Variants in PTPRG observed in about 807,000 individuals in gnomAD.
PTPRG encodes the protein receptor-type tyrosine-protein phosphatase gamma.
PTPRG carries 102 observed loss-of-function variants against 165.3 expected under a neutral mutation model. That is an observed-to-expected ratio of 0.62 (90% CI 0.53 to 0.73). The LOEUF is 0.73. Ranked by LOEUF, PTPRG falls within the 30% of genes least tolerant of loss-of-function variation. The pLI is 0.00. For missense variants in PTPRG, 1,866 were observed against 1,861.4 expected, an observed-to-expected ratio of 1.00 and a Z score of -0.05; for synonymous variants, 675 against 669.5, an observed-to-expected ratio of 1.01 and a Z score of -0.13.
intron 2 of PTPRG, among the ~76,000 whole-genome samples, chr3:61,874,973 G>A (rs1316527630): frequency 2.0e-5 from 3 of 152,192 alleles, no homozygotes; most frequent in Non-Finnish European, 4.4e-5. Context: ...TAAGTCCCAC[G>A]TAGTCTACAA....
intron 2 of PTPRG, among the ~76,000 whole-genome samples, chr3:61,874,234 C>T (rs1338089977): frequency 2.0e-5 from 3 of 152,132 alleles, no homozygotes; most frequent in African/African-American, 7.2e-5. Context: ...TCTTTTGTAC[C>T]TTGAGACTTT....
intron 5 of PTPRG, among the ~76,000 whole-genome samples, chr3:62,130,589 A>G (rs1379715898): frequency 2.0e-5 from 3 of 152,204 alleles, no homozygotes; most frequent in Non-Finnish European, 2.9e-5. Flanking sequence ...CTTTTTGTCT[A>G]TAGCTTCAAT....
chr3:61,953,201 G>C (rs1314093474), intron 2 of PTPRG, among the ~76,000 whole-genome samples: 1 of 152,150 alleles, frequency 6.6e-6, no homozygotes, highest in Non-Finnish European at 1.5e-5. Context: ...CAGAAGCTTA[G>C]CTTTAATCAC....
chr3:61,873,807 A>G (rs779881666), intron 2 of PTPRG, among the ~76,000 whole-genome samples: 19 of 152,148 alleles, frequency 1.2e-4, no homozygotes, highest in African/African-American at 1.7e-4. Context: ...CTAAGTGATC[A>G]GGGCTCTGAG....
chr3:62,145,567 G>A (rs557557402), intron 6 of PTPRG, among the ~76,000 whole-genome samples: 27 of 152,222 alleles, frequency 1.8e-4, no homozygotes, highest in South Asian at 1.5e-3. Context: ...TGATGATGAC[G>A]AAGATGATTT....
At chr3:61,714,360 G>A (rs1214064614) in intron 1 of PTPRG, among the ~76,000 whole-genome samples, 1 of 152,092 alleles carries the variant, frequency 6.6e-6, no homozygotes, top group Non-Finnish European at 1.5e-5. Context: ...CAACTTCTAG[G>A]ACATTTCCTC....
At chr3:62,253,578 T>A (rs1285430491) in intron 15 of PTPRG, among the ~76,000 whole-genome samples, 2 of 152,206 alleles carry the variant, frequency 1.3e-5, no homozygotes, top group African/African-American at 4.8e-5. Flanking sequence ...ATTGTAGAAT[T>A]TGCTTCTAAA....
intron 17 of PTPRG, among the ~76,000 whole-genome samples, chr3:62,265,185 C>T (rs1701825505): frequency 6.6e-6 from 1 of 152,114 alleles, no homozygotes; most frequent in Non-Finnish European, 1.5e-5. Context: ...ATTCTGGATA[C>T]AGATCATTTA....
chr3:61,946,506 T>C (rs2039764485), intron 2 of PTPRG, among the ~76,000 whole-genome samples: 1 of 152,162 alleles, frequency 6.6e-6, no homozygotes, highest in African/African-American at 2.4e-5. Context: ...GTGGGCCTGT[T>C]TGATAGTGAG....
At chr3:61,743,720 G>T (rs1215784969) in intron 1 of PTPRG, among the ~76,000 whole-genome samples, 3 of 152,184 alleles carry the variant, frequency 2.0e-5, no homozygotes, top group Non-Finnish European at 4.4e-5. Flanking sequence ...GCTTGGTGCT[G>T]TAACACTTGG....
intron 2 of PTPRG, among the ~76,000 whole-genome samples, chr3:61,824,165 G>C (rs1330071068): frequency 6.6e-6 from 1 of 152,054 alleles, no homozygotes; most frequent in Non-Finnish European, 1.5e-5. Context: ...GTTGACAGTT[G>C]TGAGATTTGA....
At chr3:61,657,456 G>C (rs2107010293) in intron 1 of PTPRG, among the ~76,000 whole-genome samples, 2 of 152,154 alleles carry the variant, frequency 1.3e-5, no homozygotes, top group South Asian at 2.1e-4. Context: ...AACATAGCAA[G>C]AGCCCCCGTC....
At chr3:62,141,569 A>G (rs1214160706) in intron 6 of PTPRG, among the ~76,000 whole-genome samples, 1 of 152,176 alleles carries the variant, frequency 6.6e-6, no homozygotes, top group Non-Finnish European at 1.5e-5. Flanking sequence ...ACTGCACTCC[A>G]GTCTGGGTGA....
intron 5 of PTPRG, among the ~76,000 whole-genome samples, chr3:62,085,257 C>T (rs984020110): frequency 2.0e-5 from 3 of 152,140 alleles, no homozygotes; most frequent in African/African-American, 2.4e-5. Context: ...GCTGTGTAAG[C>T]GTCACCCAAA....
At chr3:61,890,594 A>G (rs1192210673) in intron 2 of PTPRG, among the ~76,000 whole-genome samples, 4 of 152,136 alleles carry the variant, frequency 2.6e-5, no homozygotes, top group Non-Finnish European at 4.4e-5. Flanking sequence ...CAGGTATTTT[A>G]CTACCTTCTA....
chr3:61,643,646 G>C (rs1222665460), intron 1 of PTPRG, among the ~76,000 whole-genome samples: 2 of 152,036 alleles, frequency 1.3e-5, no homozygotes, highest in African/African-American at 4.8e-5. Context: ...TGGGAATGGT[G>C]GCGCACGCCT....
At chr3:61,609,273 T>C (rs1348546527) in intron 1 of PTPRG, among the ~76,000 whole-genome samples, 4 of 152,204 alleles carry the variant, frequency 2.6e-5, no homozygotes, top group Non-Finnish European at 5.9e-5. Flanking sequence ...AGTGCCTTTC[T>C]CATTTTAATT....
At chr3:61,979,388 C>T (rs1335597788) in intron 2 of PTPRG, among the ~76,000 whole-genome samples, 1 of 152,166 alleles carries the variant, frequency 6.6e-6, no homozygotes, top group Non-Finnish European at 1.5e-5. Flanking sequence ...CTAGTCCTAT[C>T]CCTGTTGAAC....
chr3:61,970,987 T>A (rs1200847368), intron 2 of PTPRG, among the ~76,000 whole-genome samples: 1 of 152,216 alleles, frequency 6.6e-6, no homozygotes, highest in Non-Finnish European at 1.5e-5. Context: ...TATTCTCTAT[T>A]CTGTCAATAT....
Sources: gnomAD v4.1 joint callset for allele counts (sites outside exome capture counted in the v4.1 genomes callset) on GRCh38, gnomAD v4.1.1 for gene constraint, MANE v1.5 for transcripts, NCBI Gene and HGNC (gene_info 2026-07-23, HGNC 2026-07-21) for gene names.